MAGT1: variants seen among roughly 807,000 people sequenced by gnomAD.
MAGT1 encodes dolichyl-diphosphooligosaccharide--protein glycosyltransferase subunit MAGT1.
Under a neutral mutation model 28.4 loss-of-function variants are expected in MAGT1, and 4 were observed. That is an observed-to-expected ratio of 0.14 (90% CI 0.07 to 0.32). The LOEUF (loss-of-function observed/expected upper bound fraction) is 0.32, where lower values mean the gene tolerates loss of function less well. Among genes scored for constraint, MAGT1 ranks in the 10% least tolerant of loss-of-function variants. The pLI, the probability that MAGT1 is intolerant of heterozygous loss-of-function variation, is 1.00. For synonymous variants in MAGT1, 89 were observed against 89.7 expected, an observed-to-expected ratio of 0.99 and a Z score of 0.04; for missense variants, 193 against 264.5, an observed-to-expected ratio of 0.73 and a Z score of 1.88.
At chrX:77,885,691 A>T (rs1233171509) in intron 1 of MAGT1, 1 of 110,492 alleles carries the variant, frequency 9.1e-6, no homozygotes, top group African/African-American at 3.3e-5. Context: ...GCTAATTTTT[A>T]AAAACTCTTG....
chrX:77,842,905 A>T lies in MAGT1; in HGVS notation c.827-1585T>A, dbSNP rs551459724. ...TTATTCAGCTTAATAGGAGCTGCAT[A>T]AATACAAAATACAACAACCCATACA... On this transcript the variant is annotated intron_variant, in intron 7 of 9. Transcript: ENST00000618282. Among the ~76,000 whole-genome samples, 50 of 112,593 alleles carry T rather than the reference A, an allele frequency of 4.4e-4. No individual in the cohort carries two copies. In the Middle Eastern group the frequency reaches 0.018, roughly 41 times the overall value.
At chrX:77,889,955 A>G (rs2077077913) in intron 1 of MAGT1, among the ~76,000 whole-genome samples, 1 of 112,242 alleles carries the variant, frequency 8.9e-6, no homozygotes, top group African/African-American at 3.2e-5. Context: ...AGCTTCTGGT[A>G]GCTATCATTC....
Position 77,857,502 on chromosome X carries a change from AT to A in MAGT1, c.391-6del. 8.3e-7 allele frequency: 1 copy of A among 1,210,576 alleles called. No individual in the cohort carries two copies. The highest frequency in any genetic ancestry group is 1.1e-6 in the Non-Finnish European group (1 of 894,277). ...TGGAGCTGAATTCATGTTTAGCTGA[AT>A]AAAAACGAGCCATGAAAATATACAT... On this transcript the variant is annotated splice_region_variant and splice_polypyrimidine_tract_variant and intron_variant, in intron 3 of 9. Transcript: ENST00000618282.
chrX:77,894,430 ATG>A, intron 1 of MAGT1, among the ~76,000 whole-genome samples: 1 of 112,352 alleles, frequency 8.9e-6, no homozygotes, highest in Non-Finnish European at 1.9e-5. Flanking sequence ...TTTTTAGAGT[ATG>A]TGCACAGTTT....
intron 2 of MAGT1, among the ~76,000 whole-genome samples, chrX:77,872,487 TC>T (rs2077022958): frequency 8.9e-6 from 1 of 112,284 alleles, no homozygotes; most frequent in Admixed American, 9.6e-5. Flanking sequence ...AGGTTCTTTA[TC>T]ACATAGCTTC....
At chrX:77,864,293 G>A (rs1040414583) in intron 3 of MAGT1, among the ~76,000 whole-genome samples, 1 of 108,763 alleles carries the variant, frequency 9.2e-6, no homozygotes, top group African/African-American at 3.3e-5. Flanking sequence ...GTGCGGGAGC[G>A]GGCAATGAAG....
chrX:77,892,862 T>C lies in MAGT1; in HGVS notation c.102+2447A>G, dbSNP rs146618986. The stretch of plus-strand genomic sequence containing the variant: ...GAAAGAACAGATTCCTGATTTTATA[T>C]AAGTACACAGTTAATCTGATGTTTG... On this transcript the variant is annotated intron_variant, in intron 1 of 9. Coordinates refer to ENST00000618282, the MANE Select transcript of MAGT1 (RefSeq NM_001367916.1). Among the ~76,000 whole-genome samples the C allele has an allele frequency of 8.5e-4, 95 of 112,060 alleles. No individual in the cohort carries two copies. The East Asian group carries it at 0.025, about 29-fold the overall frequency.
chrX:77,880,387 G>C (rs1038774149), intron 1 of MAGT1, among the ~76,000 whole-genome samples: 6 of 108,202 alleles, frequency 5.5e-5, no homozygotes, highest in Non-Finnish European at 9.6e-5. Context: ...AAATAAGCTG[G>C]GCGTGATGGC....
At chrX:77,862,530 A>G (rs1367376325) in intron 3 of MAGT1, among the ~76,000 whole-genome samples, 1 of 111,744 alleles carries the variant, frequency 8.9e-6, no homozygotes, top group African/African-American at 3.2e-5. Context: ...AAACAAAAAC[A>G]AAAAAAATTC....
chrX:77,878,790 CA>C (rs782079163), intron 1 of MAGT1, among the ~76,000 whole-genome samples: 764 of 31,617 alleles, frequency 0.024, 8 homozygotes, highest in Admixed American at 0.1. Flanking sequence ...AACTCTATCT[CA>C]AAAAAAAAAA....
At chrX:77,865,457 T>C (rs1355520637) in intron 3 of MAGT1, among the ~76,000 whole-genome samples, 3 of 108,980 alleles carry the variant, frequency 2.8e-5, no homozygotes, top group Non-Finnish European at 5.7e-5. Context: ...GCCCGTCTAA[T>C]TTTTGTTGTT....
At chrX:77,856,143 T>A (rs2076980999) in intron 5 of MAGT1, among the ~76,000 whole-genome samples, 1 of 111,400 alleles carries the variant, frequency 9.0e-6, no homozygotes, top group Non-Finnish European at 1.9e-5. Flanking sequence ...CTTTTTAGAA[T>A]AAAATTTTCA....
chrX:77,834,896 A>C (rs1356062128), intron 8 of MAGT1, among the ~76,000 whole-genome samples: 1 of 110,810 alleles, frequency 9.0e-6, no homozygotes, highest in Non-Finnish European at 1.9e-5. Context: ...CCAGAATATA[A>C]AAGGAGCTCA....
At chrX:77,861,019 T>G (rs1294412398) in intron 3 of MAGT1, among the ~76,000 whole-genome samples, 25 of 106,529 alleles carry the variant, frequency 2.3e-4, no homozygotes, top group African/African-American at 8.6e-4. Context: ...CTACTAAAAA[T>G]ATGAAAAAAA....
At chrX:77,851,410 G>A (rs184705491) in intron 7 of MAGT1, among the ~76,000 whole-genome samples, 5 of 106,850 alleles carry the variant, frequency 4.7e-5, no homozygotes, top group Non-Finnish European at 7.7e-5. Context: ...GTCTCACTCT[G>A]TTGCCCAGGA....
chrX:77,886,183 T>C (rs1410521965), intron 1 of MAGT1, among the ~76,000 whole-genome samples: 1 of 111,642 alleles, frequency 9.0e-6, no homozygotes, highest in African/African-American at 3.3e-5. Flanking sequence ...TTTTATGTAT[T>C]CAAAAATCTT....
intron 2 of MAGT1, among the ~76,000 whole-genome samples, chrX:77,872,991 A>G (rs2077024127): frequency 8.9e-6 from 1 of 111,914 alleles, no homozygotes; most frequent in African/African-American, 3.2e-5. Context: ...ATGCCAGTAA[A>G]AACTTAGGTT....
At chrX:77,831,477 T>A (rs1421436559) in intron 8 of MAGT1, among the ~76,000 whole-genome samples, 1 of 112,010 alleles carries the variant, frequency 8.9e-6, no homozygotes, top group Non-Finnish European at 1.9e-5. Context: ...TTTACATAAT[T>A]ATGCAATTCA....
intron 1 of MAGT1, among the ~76,000 whole-genome samples, chrX:77,881,226 T>C (rs914364488): frequency 1.8e-5 from 2 of 111,412 alleles, no homozygotes; most frequent in Middle Eastern, 4.7e-3. Flanking sequence ...AATCTATATT[T>C]TGAAGCAATC....
Sources: allele counts gnomAD v4.1 joint callset (sites outside exome capture counted in the v4.1 genomes callset), GRCh38; gene constraint gnomAD v4.1.1; transcripts MANE v1.5; gene names NCBI Gene and HGNC (gene_info 2026-07-23, HGNC 2026-07-21).